RASA1: variants seen among roughly 807,000 people sequenced by gnomAD.
RASA1 encodes the protein ras GTPase-activating protein 1.
In RASA1, 25 loss-of-function variants were observed where a neutral mutation model predicts 132.2. The observed-to-expected ratio is 0.19, with a 90% CI of 0.14 to 0.26. The LOEUF (loss-of-function observed/expected upper bound fraction) is 0.26, where lower values mean the gene tolerates loss of function less well. Among genes scored for constraint, RASA1 ranks in the 10% least tolerant of loss-of-function variants. The probability of loss-of-function intolerance (pLI) is 1.00; values close to 1 mark genes in which losing one functional copy is unlikely to be tolerated. For synonymous variants in RASA1, 477 were observed against 449.9 expected (o/e 1.06, Z -0.76); for missense variants, 964 against 1,299.2 (o/e 0.74, Z 3.97).
intron 1 of RASA1, among the ~76,000 whole-genome samples, chr5:87,315,074 A>G (rs149855529): frequency 2.0e-5 from 3 of 152,316 alleles, no homozygotes; most frequent in African/African-American, 7.2e-5. Context: ...ATTAAAATGG[A>G]TATATTATTC....
chr5:87,271,452 CTTTTTTTTTTTTTTTTTT>C (rs201918763), intron 1 of RASA1, among the ~76,000 whole-genome samples: 13 of 38,220 alleles, frequency 3.4e-4, no homozygotes, highest in Admixed American at 1.9e-3. Flanking sequence ...TAGTAGACTT[CTTTTTTTTTTTTTTTTTT>C]TTTTTTTTTT....
intron 7 of RASA1, among the ~76,000 whole-genome samples, chr5:87,348,803 C>T (rs1470019604): frequency 6.7e-6 from 1 of 148,370 alleles, no homozygotes; most frequent in Non-Finnish European, 1.5e-5. Flanking sequence ...TGATTAAGCA[C>T]AGAGTATTCT....
chr5:87,319,996 C>T (rs1399185961), intron 1 of RASA1, among the ~76,000 whole-genome samples: 1 of 152,188 alleles, frequency 6.6e-6, no homozygotes, highest in African/African-American at 2.4e-5. Flanking sequence ...TTAGAAATTT[C>T]TTCTGCCAGG....
At chr5:87,307,707 A>G (rs1755685171) in intron 1 of RASA1, among the ~76,000 whole-genome samples, 1 of 152,006 alleles carries the variant, frequency 6.6e-6, no homozygotes, top group African/African-American at 2.4e-5. Context: ...TTCTTCTTTG[A>G]TCAGTCTTAA....
At chr5:87,286,792 A>G (rs540951637) in intron 1 of RASA1, among the ~76,000 whole-genome samples, 20 of 151,340 alleles carry the variant, frequency 1.3e-4, no homozygotes, top group Admixed American at 5.9e-4. Flanking sequence ...GACCCAGTAT[A>G]CACATATGCA....
In RASA1 at chr5:87,333,295, C is replaced by G; in HGVS notation, c.857C>G (p.Ala286Gly). Residue 286 changes from alanine to glycine, a missense_variant, in exon 4 of 25, where the codon GCT (alanine) becomes GGT (glycine). Ala to Gly is a moderately conservative substitution (Grantham distance 60). Coordinates refer to ENST00000274376, the MANE Select transcript of RASA1 (RefSeq NM_002890.3). Reference sequence around the variant, plus strand: ...GTAGAAGATAGAAGGCGTGTACGAGCTATTCTACCTTACACAAAAGTACCA... The same window carrying G: ...GTAGAAGATAGAAGGCGTGTACGAGGTATTCTACCTTACACAAAAGTACCA... ...EPVEDRRRVR[A>G]ILPYTKVPDT... 7 of 1,612,708 alleles carry G rather than the reference C, an allele frequency of 4.3e-6. No individual in the cohort carries two copies. Among genetic ancestry groups the G allele is most frequent in the Non-Finnish European group, 5.9e-6 (7 of 1,179,382 alleles).
At chr5:87,297,098 T>A (rs1044355605) in intron 1 of RASA1, among the ~76,000 whole-genome samples, 1 of 152,208 alleles carries the variant, frequency 6.6e-6, no homozygotes, top group African/African-American at 2.4e-5. Flanking sequence ...ATGTTGCTTT[T>A]GATTTCTAAC....
chr5:87,390,667 T>G, intron 24 of RASA1, 133 bp from the exon 25 acceptor site: 2 of 754,400 alleles, frequency 2.7e-6, no homozygotes, highest in South Asian at 1.5e-5. Flanking sequence ...TAGAGACTTA[T>G]GTTTTGAGGG....
intron 14 of RASA1, 66 bp downstream of exon 14, chr5:87,374,386 T>A: frequency 6.8e-7 from 1 of 1,461,886 alleles, no homozygotes; most frequent in Non-Finnish European, 9.3e-7. Flanking sequence ...TTCTGTTTTT[T>A]TGGTCTCTGT....
intron 1 of RASA1, among the ~76,000 whole-genome samples, chr5:87,289,729 G>A (rs1046318422): frequency 2.0e-5 from 3 of 152,086 alleles, no homozygotes; most frequent in Non-Finnish European, 4.4e-5. Context: ...TCCCACCTCA[G>A]CCTTCCTATT....
intron 1 of RASA1, among the ~76,000 whole-genome samples, chr5:87,274,767 GTTTT>G (rs1225314141): frequency 1.3e-5 from 2 of 152,134 alleles, no homozygotes; most frequent in African/African-American, 4.8e-5. Flanking sequence ...TAGCAGGTAT[GTTTT>G]TCCTGCTACT....
At chr5:87,362,722 T>G (rs371732638) in intron 10 of RASA1, 51 bp downstream of exon 10, 328 of 1,567,302 alleles carry the variant, frequency 2.1e-4, no homozygotes, top group Non-Finnish European at 2.7e-4. Flanking sequence ...GTTGTAAATA[T>G]GGAGCTCCGA....
chr5:87,330,867 C>T, intron 1 of RASA1: 2 of 887,522 alleles, frequency 2.3e-6, no homozygotes, highest in Non-Finnish European at 3.1e-6. Context: ...ATCCTTTAGA[C>T]AGTGTAATTC....
chr5:87,287,866 A>G (rs543603256), intron 1 of RASA1, among the ~76,000 whole-genome samples: 2 of 138,568 alleles, frequency 1.4e-5, no homozygotes, highest in South Asian at 4.6e-4. Flanking sequence ...CCATATATAT[A>G]CCATATATAC....
chr5:87,352,138 T>A (rs1759320289), intron 8 of RASA1, among the ~76,000 whole-genome samples: 1 of 151,736 alleles, frequency 6.6e-6, no homozygotes, highest in African/African-American at 2.4e-5. Context: ...ATTTATCTCA[T>A]TTTCACCACA....
In RASA1 at chr5:87,363,551, A is replaced by G. The variant is rs1272925794; in HGVS notation, c.1610+47A>G. On this transcript the variant is annotated intron_variant, in intron 11 of 24. Transcript: ENST00000274376. ...TTTCTTTCGGAATTGTCTTAATAAT[A>G]AAATAGTACAAACAAAGCAAACCAA... The G allele has an allele frequency of 6.3e-6, 10 of 1,579,622 alleles. No individual in the cohort carries two copies. In the Admixed American group the frequency reaches 1.0e-4, roughly 16 times the overall value.
intron 1 of RASA1, among the ~76,000 whole-genome samples, chr5:87,284,685 G>T (rs145545028): frequency 2.6e-5 from 4 of 152,196 alleles, no homozygotes; most frequent in East Asian, 1.9e-4. Flanking sequence ...TAATTAAAAA[G>T]AATATAACTA....
chr5:87,271,718 G>A (rs2112229147), intron 1 of RASA1, among the ~76,000 whole-genome samples: 1 of 151,888 alleles, frequency 6.6e-6, no homozygotes, highest in Non-Finnish European at 1.5e-5. Flanking sequence ...CTGACCTCAG[G>A]TGATCCACTT....
chr5:87,356,250 ATT>A (rs1357977535), intron 9 of RASA1, among the ~76,000 whole-genome samples: 1 of 152,158 alleles, frequency 6.6e-6, no homozygotes, highest in Admixed American at 6.6e-5. Context: ...AGCAGACTTC[ATT>A]TTTAAGAAAT....
Sources: gnomAD v4.1 joint callset for allele counts (sites outside exome capture counted in the v4.1 genomes callset) on GRCh38, gnomAD v4.1.1 for gene constraint, MANE v1.5 for transcripts, NCBI Gene and HGNC (gene_info 2026-07-23, HGNC 2026-07-21) for gene names.